The following GALNT13 variants were observed in gnomAD, a reference collection of about 807,000 sequenced individuals.
The protein encoded by GALNT13 is UDP-GalNAc:polypeptide N-acetylgalactosaminyltransferase 13.
GALNT13 carries 28 observed loss-of-function variants against 64.2 expected under a neutral mutation model. That is an observed-to-expected ratio of 0.44 (90% CI 0.32 to 0.60). The LOEUF (loss-of-function observed/expected upper bound fraction) is 0.60, where lower values mean the gene tolerates loss of function less well. Ranked by LOEUF, GALNT13 falls within the 20% of genes least tolerant of loss-of-function variation. The pLI is 0.05. For missense variants in GALNT13, 577 were observed against 669.8 expected, an observed-to-expected ratio of 0.86 and a Z score of 1.53; for synonymous variants, 214 against 224.6, an observed-to-expected ratio of 0.95 and a Z score of 0.42.
intron 3 of GALNT13, among the ~76,000 whole-genome samples, chr2:153,952,043 G>T (rs543657057): frequency 6.6e-6 from 1 of 152,232 alleles, no homozygotes; most frequent in East Asian, 1.9e-4. Flanking sequence ...GTTAGGGGAT[G>T]ATATTAACCC....
At chr2:153,596,571 A>G in the GALNT13 span, among the ~76,000 whole-genome samples, 1 of 152,138 alleles carries the variant, frequency 6.6e-6, no homozygotes, top group Non-Finnish European at 1.5e-5. Context: ...TAGGAAAATT[A>G]TTATAAACAT....
chr2:154,123,209 G>A (rs1682056725), intron 3 of GALNT13, among the ~76,000 whole-genome samples: 1 of 151,998 alleles, frequency 6.6e-6, no homozygotes, highest in South Asian at 2.1e-4. Context: ...AAGGAACTTG[G>A]AAATGGGACT....
the GALNT13 span, among the ~76,000 whole-genome samples, chr2:153,381,810 A>T: frequency 2.0e-5 from 3 of 152,126 alleles, no homozygotes; most frequent in Admixed American, 1.3e-4. Flanking sequence ...GTAGGCACCC[A>T]CTTGAAGCCA....
the GALNT13 span, among the ~76,000 whole-genome samples, chr2:153,482,877 G>A: frequency 6.6e-6 from 1 of 151,862 alleles, no homozygotes; most frequent in South Asian, 2.1e-4. Context: ...GGAAACAACT[G>A]GAAAACAGTA....
chr2:153,373,731 A>G, the GALNT13 span, among the ~76,000 whole-genome samples: 3 of 151,998 alleles, frequency 2.0e-5, no homozygotes, highest in African/African-American at 7.3e-5. Context: ...TTAAAGAATA[A>G]CTCTCCATTT....
At chr2:153,533,095 T>C in the GALNT13 span, among the ~76,000 whole-genome samples, 1 of 152,210 alleles carries the variant, frequency 6.6e-6, no homozygotes, top group East Asian at 1.9e-4. Context: ...GATATAATTC[T>C]TATTTTTGTT....
chr2:154,193,268 A>G (rs1686696895), intron 4 of GALNT13, among the ~76,000 whole-genome samples: 1 of 152,196 alleles, frequency 6.6e-6, no homozygotes, highest in South Asian at 2.1e-4. Flanking sequence ...ATTCACTTCA[A>G]CTTTATCTGG....
chr2:153,504,996 T>A, the GALNT13 span, among the ~76,000 whole-genome samples: 4 of 152,188 alleles, frequency 2.6e-5, no homozygotes, highest in Non-Finnish European at 4.4e-5. Flanking sequence ...AATTCAGCAG[T>A]AAATTAATCT....
the GALNT13 span, among the ~76,000 whole-genome samples, chr2:153,280,843 TGATG>T: frequency 6.6e-6 from 1 of 152,176 alleles, no homozygotes; most frequent in African/African-American, 2.4e-5. Flanking sequence ...ATTTGGTAGT[TGATG>T]GATGGAGTAT....
chr2:154,440,424 A>AAGGAAT (rs1701228334), intron 12 of GALNT13, among the ~76,000 whole-genome samples: 1 of 151,868 alleles, frequency 6.6e-6, no homozygotes. Flanking sequence ...TAGCAATGCT[A>AAGGAAT]TTGAATACTA....
intron 3 of GALNT13, among the ~76,000 whole-genome samples, chr2:154,063,238 C>T (rs1410052512): frequency 6.6e-6 from 1 of 152,088 alleles, no homozygotes; most frequent in African/African-American, 2.4e-5. Flanking sequence ...TCCTGCATAC[C>T]ATCAAGGGTC....
At chr2:153,090,935 G>A in the GALNT13 span, among the ~76,000 whole-genome samples, 7 of 151,508 alleles carry the variant, frequency 4.6e-5, no homozygotes, top group African/African-American at 9.7e-5. Context: ...CAGGTCCTAC[G>A]CAGTTGGTGA....
chr2:153,433,168 A>AAATAAAATAAAATAGT, the GALNT13 span, among the ~76,000 whole-genome samples: 4 of 152,298 alleles, frequency 2.6e-5, no homozygotes, highest in Admixed American at 2.6e-4. Context: ...GAAGAGAGGA[A>AAATAAAATAAAATAGT]ATTGTAAAAA....
chr2:153,267,647 C>T, the GALNT13 span, among the ~76,000 whole-genome samples: 2 of 152,204 alleles, frequency 1.3e-5, no homozygotes, highest in African/African-American at 4.8e-5. Context: ...ACAATTTTTC[C>T]CTCCTAGGTC....
At chr2:153,889,889 A>G (rs575835551) in intron 1 of GALNT13, among the ~76,000 whole-genome samples, 14 of 152,038 alleles carry the variant, frequency 9.2e-5, no homozygotes, top group Middle Eastern at 6.8e-3. Context: ...TGCTCATGGC[A>G]TGCAATTATT....
the GALNT13 span, among the ~76,000 whole-genome samples, chr2:153,662,622 A>G: frequency 1.3e-5 from 2 of 152,222 alleles, no homozygotes; most frequent in Non-Finnish European, 2.9e-5. Flanking sequence ...TGAGTCTTCT[A>G]TAATGAAAAT....
chr2:153,941,360 A>G (rs538703121), intron 2 of GALNT13, among the ~76,000 whole-genome samples: 85 of 152,290 alleles, frequency 5.6e-4, no homozygotes, highest in Non-Finnish European at 9.3e-4. Flanking sequence ...ATCCTATAAC[A>G]TAGACAATCT....
At chr2:153,229,314 T>C in the GALNT13 span, among the ~76,000 whole-genome samples, 1 of 152,220 alleles carries the variant, frequency 6.6e-6, no homozygotes, top group African/African-American at 2.4e-5. Context: ...GGCCAGTCAC[T>C]CATCTCTAGG....
the GALNT13 span, among the ~76,000 whole-genome samples, chr2:153,604,734 C>T: frequency 6.6e-6 from 1 of 152,062 alleles, no homozygotes; most frequent in Middle Eastern, 3.4e-3. Flanking sequence ...TTATTTTAGT[C>T]TCTACGTATA....
Sources: gnomAD v4.1 joint callset for allele counts (sites outside exome capture counted in the v4.1 genomes callset) on GRCh38, gnomAD v4.1.1 for gene constraint, MANE v1.5 for transcripts, NCBI Gene and HGNC (gene_info 2026-07-23, HGNC 2026-07-21) for gene names.